CSMD1: variants seen among roughly 807,000 people sequenced by gnomAD.
CSMD1 encodes CUB and sushi domain-containing protein 1.
A neutral mutation model predicts 417.5 loss-of-function variants in CSMD1; 213 were observed. The observed-to-expected ratio is 0.51, with a 90% CI of 0.46 to 0.57. The LOEUF is 0.57. Ranked by LOEUF, CSMD1 falls within the 20% of genes least tolerant of loss-of-function variation. The pLI is 0.00. For synonymous variants in CSMD1, 2,862 were observed against 1,736.8 expected, an observed-to-expected ratio of 1.65 and a Z score of -16.11; for missense variants, 6,923 against 4,529.7, an observed-to-expected ratio of 1.53 and a Z score of -15.17.
At chr8:4,101,836 C>G (rs62501344) in intron 3 of CSMD1, among the ~76,000 whole-genome samples, 1,429 of 139,898 alleles carry the variant, frequency 0.01, 10 homozygotes, top group Non-Finnish European at 0.015. Context: ...CCGCACATCT[C>G]TGAATTGAAT....
intron 23 of CSMD1, among the ~76,000 whole-genome samples, chr8:3,325,091 T>C (rs1806439800): frequency 6.6e-6 from 1 of 152,190 alleles, no homozygotes. Flanking sequence ...TTTTAGAACA[T>C]TTTTTCTTTT....
In CSMD1 at chr8:3,091,640, C is replaced by G. The variant is rs758061007; in HGVS notation, c.7161G>C (p.Leu2387=). ...VFDGSSGQSP[L]LVVLSGNHTE... The stretch of plus-strand genomic sequence containing the variant: ...TATGATTCCCACTTAAGACTACTAG[C>G]AGAGGACTTTGCCCAGAAGAACCTA... The change falls in exon 48 of 70, where the codon CTG becomes CTC. Residue 2387 remains leucine (L), a synonymous_variant. Transcript: ENST00000635120. 7 of 1,610,296 alleles carry G rather than the reference C, an allele frequency of 4.3e-6. No homozygotes were observed. Among genetic ancestry groups the G allele is most frequent in the Non-Finnish European group, 5.9e-6 (7 of 1,179,192 alleles).
At chr8:4,071,032 G>A (rs551034525) in intron 3 of CSMD1, among the ~76,000 whole-genome samples, 1 of 152,004 alleles carries the variant, frequency 6.6e-6, no homozygotes, top group Non-Finnish European at 1.5e-5. Context: ...CTTTTTCTCT[G>A]TCTCTTTTGA....
At chr8:3,875,100 A>G (rs996202138) in intron 5 of CSMD1, among the ~76,000 whole-genome samples, 1 of 149,988 alleles carries the variant, frequency 6.7e-6, no homozygotes, top group African/African-American at 2.5e-5. Flanking sequence ...ACCAGATCCT[A>G]GAGGGGCTTC....
chr8:3,596,586 G>A (rs10503208), intron 8 of CSMD1, among the ~76,000 whole-genome samples: 125 of 151,810 alleles, frequency 8.2e-4, no homozygotes, highest in African/African-American at 2.7e-3. Context: ...GAGACTGTTC[G>A]GCAAATATTT....
rs146238312 is a variant in CSMD1, at chr8:4,860,745, T to G, written c.85+133587A>C. Among the ~76,000 whole-genome samples the G allele has an allele frequency of 6.3e-3, 958 of 152,274 alleles. 24 individuals are homozygous for G. Among genetic ancestry groups the G allele is most frequent in the African/African-American group, 0.022 (909 of 41,498 alleles). ...TATGTAACATACAGTGCTCTTCGTA[T>G]GGGCATACGTTCCTGGTAATTTATC... On this transcript the variant is annotated intron_variant, in intron 1 of 69. Transcript: ENST00000635120.
At chr8:4,847,594 T>C (rs1260445112) in intron 1 of CSMD1, among the ~76,000 whole-genome samples, 1 of 152,118 alleles carries the variant, frequency 6.6e-6, no homozygotes, top group Non-Finnish European at 1.5e-5. Context: ...CTTTTCAGTT[T>C]TGCCTAATAT....
chr8:3,322,255 C>T (rs1447807749), intron 23 of CSMD1, among the ~76,000 whole-genome samples: 1 of 152,120 alleles, frequency 6.6e-6, no homozygotes, highest in Non-Finnish European at 1.5e-5. Context: ...TCCTTCACCT[C>T]CTGATGAATC....
At chr8:3,585,351 G>A (rs996022024) in intron 9 of CSMD1, among the ~76,000 whole-genome samples, 6 of 152,106 alleles carry the variant, frequency 3.9e-5, no homozygotes, top group Non-Finnish European at 8.8e-5. Context: ...TCTTACATAT[G>A]AAGCTTTCCT....
chr8:4,577,868 T>C (rs144071823), intron 2 of CSMD1, among the ~76,000 whole-genome samples: 79 of 152,336 alleles, frequency 5.2e-4, no homozygotes, highest in African/African-American at 1.8e-3. Context: ...AGTGAATATA[T>C]ATTTAATAAC....
intron 1 of CSMD1, among the ~76,000 whole-genome samples, chr8:4,758,806 C>G (rs953570165): frequency 6.6e-6 from 1 of 152,076 alleles, no homozygotes; most frequent in Middle Eastern, 3.2e-3. Flanking sequence ...GAGAACCTTC[C>G]CCCATAATCC....
intron 39 of CSMD1, among the ~76,000 whole-genome samples, chr8:3,155,358 G>GTTTTTTTTTTTTTTTTTTTTTTTTTT (rs763097673): frequency 6.2e-5 from 3 of 48,106 alleles, no homozygotes; most frequent in Non-Finnish European, 1.3e-4. Context: ...TCAAGGCTGG[G>GTTTTTTTTTTTTTTTTTTTTTTTTTT]ATTTTTTTTT....
At chr8:4,330,525 G>C (rs1014921624) in intron 3 of CSMD1, among the ~76,000 whole-genome samples, 1 of 151,472 alleles carries the variant, frequency 6.6e-6, no homozygotes, top group African/African-American at 2.4e-5. Context: ...AGGAGGCAGA[G>C]GTTACAGTAA....
At chr8:3,398,799 G>A (rs1372709098) in intron 16 of CSMD1, among the ~76,000 whole-genome samples, 1 of 152,114 alleles carries the variant, frequency 6.6e-6, no homozygotes, top group Non-Finnish European at 1.5e-5. Context: ...CCAATAGCCT[G>A]CTTATTTTTT....
chr8:3,280,619 T>C (rs1802660366), intron 26 of CSMD1, among the ~76,000 whole-genome samples: 1 of 152,174 alleles, frequency 6.6e-6, no homozygotes, highest in Admixed American at 6.5e-5. Context: ...TATCCAAGTG[T>C]TACGTGAAAC....
At chr8:4,361,204 C>G (rs971644278) in intron 3 of CSMD1, among the ~76,000 whole-genome samples, 1 of 152,054 alleles carries the variant, frequency 6.6e-6, no homozygotes, top group African/African-American at 2.4e-5. Flanking sequence ...AATTAGACAA[C>G]TGGTTTTCAG....
At position 4,223,301 on chromosome 8, in the gene CSMD1, G is replaced by A. The variant is rs749043559; in HGVS notation, c.416-191202C>T. The stretch of plus-strand genomic sequence containing the variant: ...AGACTTTTTGCCTCGAAATTCACCT[G>A]CACACTCGTGGGGACTCTGAAGAAC... On this transcript the variant is annotated intron_variant, in intron 3 of 69. Coordinates refer to ENST00000635120, the MANE Select transcript of CSMD1 (RefSeq NM_033225.6). 6.8e-4 allele frequency among the ~76,000 whole-genome samples: 104 copies of A among 152,196 alleles called. 1 individual carries two copies. Among genetic ancestry groups the A allele is most frequent in the Non-Finnish European group, 1.9e-4 (13 of 68,038 alleles).
At chr8:4,117,085 C>G (rs1420424063) in intron 3 of CSMD1, among the ~76,000 whole-genome samples, 2 of 151,854 alleles carry the variant, frequency 1.3e-5, no homozygotes, top group Non-Finnish European at 2.9e-5. Flanking sequence ...CTCCTTTCTA[C>G]TCCCTTTTCC....
chr8:4,770,518 G>C (rs1286493089), intron 1 of CSMD1, among the ~76,000 whole-genome samples: 1 of 150,810 alleles, frequency 6.6e-6, no homozygotes, highest in African/African-American at 2.4e-5. Flanking sequence ...GCAATTCTGA[G>C]AAAAAAATCA....
Sources: gnomAD v4.1 joint callset for allele counts (sites outside exome capture counted in the v4.1 genomes callset) on GRCh38, gnomAD v4.1.1 for gene constraint, MANE v1.5 for transcripts, NCBI Gene and HGNC (gene_info 2026-07-23, HGNC 2026-07-21) for gene names.